The following TMEM255B variants were observed in gnomAD, a reference collection of about 807,000 sequenced individuals.
TMEM255B encodes transmembrane protein 255B.
TMEM255B carries 35 observed loss-of-function variants against 34.5 expected under a neutral mutation model. The observed-to-expected ratio is 1.01, with a 90% confidence interval of 0.77 to 1.34. The LOEUF is 1.34. Among genes scored for constraint, TMEM255B ranks in the 40% most tolerant of loss-of-function variants. TMEM255B has a pLI of 0.00. For synonymous variants in TMEM255B, 206 were observed against 201.2 expected, an observed-to-expected ratio of 1.02 and a Z score of -0.20; for missense variants, 432 against 433.2, an observed-to-expected ratio of 1.00 and a Z score of 0.02.
rs1280852892 is a variant in TMEM255B, at chr13:113,766,609, G to C, written c.189+352G>C. 24 of 356,490 alleles carry C rather than the reference G, an allele frequency of 6.7e-5. 1 individual carries two copies. The Admixed American group carries it at 1.0e-3, about 15-fold the overall frequency. The allele number at this position is 356,490 out of a possible 1,614,324, so 22.1% of individuals were successfully genotyped here. On this transcript the variant is annotated intron_variant, in intron 2 of 8. Transcript: ENST00000375353. ...AGGAAATGTCCAAGGTGGAGGAGGG[G>C]CCAGGAGCCCAGGATGTCCAAAAAG...
At chr13:113,767,209 GT>G (rs1188215253) in intron 2 of TMEM255B, among the ~76,000 whole-genome samples, 1 of 152,206 alleles carries the variant, frequency 6.6e-6, no homozygotes, top group Non-Finnish European at 1.5e-5. Flanking sequence ...TACAAATACT[GT>G]TTATTTCACC....
chr13:113,804,921 C>T lies in TMEM255B; in HGVS notation c.706C>T (p.Pro236Ser), dbSNP rs202090784. ...CCAGCTGGCCTATGGCCCAGCCGTC[C>T]CACCACAGACCCTCTACAACCCCGC... is the stretch of plus-strand genomic sequence containing the variant. ...LSQLAYGPAV[P>S]PQTLYNPAQQ... Residue 236 changes from proline to serine, a missense_variant, in exon 8 of 9, where the codon CCA becomes TCA. Pro to Ser is a moderately conservative substitution (Grantham distance 74). Coordinates refer to ENST00000375353, the MANE Select transcript of TMEM255B (RefSeq NM_182614.4). 8 of 1,604,050 alleles carry T rather than the reference C, an allele frequency of 5.0e-6. No homozygotes were observed. In the East Asian group the frequency reaches 1.1e-4, roughly 22 times the overall value.
At chr13:113,810,045 C>A (rs1019068438) in intron 8 of TMEM255B, among the ~76,000 whole-genome samples, 1 of 152,200 alleles carries the variant, frequency 6.6e-6, no homozygotes, top group Admixed American at 6.5e-5. Context: ...GCCTTACCTA[C>A]ACCTGTGCAG....
At position 113,799,346 on chromosome 13, in the gene TMEM255B, G is replaced by C. The variant is rs1276649332; in HGVS notation, c.350G>C (p.Arg117Thr). 2 of 1,614,060 alleles carry C rather than the reference G, an allele frequency of 1.2e-6. No homozygotes were observed. Among genetic ancestry groups the C allele is most frequent in the Non-Finnish European group, 1.7e-6 (2 of 1,180,030 alleles). Reference protein sequence around the residue: ...GVFAAQHIEPRPLTTGRCQFY... With the variant: ...GVFAAQHIEPTPLTTGRCQFY... Reference sequence around the variant, plus strand: ...GTTTATCTGTTTCTCTAGGAACCGAGGCCCCTCACCACGGGAAGATGCCAG... The same window carrying C: ...GTTTATCTGTTTCTCTAGGAACCGACGCCCCTCACCACGGGAAGATGCCAG... The change falls in exon 5 of 9, where the codon AGG becomes ACG. Residue 117 changes from arginine to threonine, a missense_variant. Transcript: ENST00000375353.
At chr13:113,759,395 C>A (rs2050255157) in intron 1 of TMEM255B, 80 bp downstream of exon 1, 3 of 1,194,650 alleles carry the variant, frequency 2.5e-6, no homozygotes, top group South Asian at 4.2e-5. Flanking sequence ...AGGTCCCCGG[C>A]CGGCCCGGGC....
chr13:113,765,455 C>G (rs575289410), intron 1 of TMEM255B, among the ~76,000 whole-genome samples: 1 of 152,144 alleles, frequency 6.6e-6, no homozygotes, highest in African/African-American at 2.4e-5. Flanking sequence ...CTCCAGTGTG[C>G]GGTCTGCTTT....
In TMEM255B at chr13:113,812,946, T is replaced by TGGTTCACAGGC. The variant is rs1566342047; in HGVS notation, c.*1043_*1044insGGTTCACAGGC. 2 of 110,242 alleles carry TGGTTCACAGGC rather than the reference T, an allele frequency of 1.8e-5. No homozygotes were observed. Among genetic ancestry groups the TGGTTCACAGGC allele is most frequent in the African/African-American group, 7.8e-5 (2 of 25,526 alleles). 6.8% of individuals were successfully genotyped at this position (110,242 alleles called of 1,614,324 possible). ...TCACGGGTCCCGGGTGGGTCACGGG[T>TGGTTCACAGGC]CCCGGGTGGGTCACGGGCCCCGGGT... On this transcript the variant is annotated 3_prime_UTR_variant, in exon 9 of 9. Coordinates refer to ENST00000375353, the MANE Select transcript of TMEM255B (RefSeq NM_182614.4).
At chr13:113,761,198 T>A in intron 1 of TMEM255B, 1 of 985,362 alleles carries the variant, frequency 1.0e-6, no homozygotes, top group Non-Finnish European at 1.2e-6. Context: ...GCGTTCCAGG[T>A]CCGGCTGGCA....
chr13:113,777,326 C>T (rs924593501), intron 3 of TMEM255B, among the ~76,000 whole-genome samples: 1 of 152,170 alleles, frequency 6.6e-6, no homozygotes, highest in Non-Finnish European at 1.5e-5. Flanking sequence ...ACCCAGCACA[C>T]CTGGATTTGA....
intron 7 of TMEM255B, among the ~76,000 whole-genome samples, 186 bp from the exon 8 acceptor site, chr13:113,804,699 C>G: frequency 6.9e-6 from 1 of 144,442 alleles, no homozygotes; most frequent in Non-Finnish European, 1.5e-5. Context: ...GGGGTTAGCT[C>G]CAGCCTGGGT....
At chr13:113,790,615 GA>G (rs2050816271) in intron 3 of TMEM255B, among the ~76,000 whole-genome samples, 2 of 146,728 alleles carry the variant, frequency 1.4e-5, no homozygotes, top group Non-Finnish European at 3.0e-5. Context: ...TCCTAGCACT[GA>G]ACTGACTGGA....
At chr13:113,789,068 G>A (rs1272011461) in intron 3 of TMEM255B, among the ~76,000 whole-genome samples, 1 of 151,388 alleles carries the variant, frequency 6.6e-6, no homozygotes, top group Non-Finnish European at 1.5e-5. Context: ...AGACCCAGCC[G>A]CCCTCTTGAG....
intron 4 of TMEM255B, among the ~76,000 whole-genome samples, chr13:113,796,315 C>G (rs2050934762): frequency 7.0e-6 from 1 of 142,734 alleles, no homozygotes; most frequent in South Asian, 2.3e-4. Context: ...GAGTACACAC[C>G]TCACACACCA....
intron 2 of TMEM255B, among the ~76,000 whole-genome samples, chr13:113,767,741 A>C (rs368723619): frequency 1.3e-5 from 2 of 152,242 alleles, no homozygotes; most frequent in African/African-American, 4.8e-5. Flanking sequence ...CTTTCTGCCA[A>C]TGTAGAGACT....
Position 113,766,734 on chromosome 13 carries a change from C to A in TMEM255B, c.189+477C>A, listed in dbSNP as rs559173500. On this transcript the variant is annotated intron_variant, in intron 2 of 8. Transcript: ENST00000375353. The stretch of plus-strand genomic sequence containing the variant: ...AAGGGGAAAGTAACTTTAAACGATT[C>A]CTACCAAGAAGCCGTGGGTCAAAGA... 4.6e-5 allele frequency among the ~76,000 whole-genome samples: 7 copies of A among 152,328 alleles called. No homozygotes were observed. The East Asian group carries it at 1.2e-3, about 25-fold the overall frequency.
intron 6 of TMEM255B, among the ~76,000 whole-genome samples, chr13:113,801,120 C>T (rs2051051729): frequency 1.3e-5 from 2 of 152,212 alleles, no homozygotes; most frequent in Non-Finnish European, 2.9e-5. Flanking sequence ...CCCCACACCC[C>T]TGCACCTACA....
intron 7 of TMEM255B, chr13:113,803,213 G>C (rs894806612): frequency 6.8e-6 from 1 of 147,712 alleles, no homozygotes; most frequent in Non-Finnish European, 1.5e-5. Flanking sequence ...GATACCTCCA[G>C]GGCCAGCCCG....
At chr13:113,782,552 G>C (rs370066920) in intron 3 of TMEM255B, among the ~76,000 whole-genome samples, 58 of 152,282 alleles carry the variant, frequency 3.8e-4, no homozygotes, top group African/African-American at 1.3e-3. Flanking sequence ...CTGGCCTACC[G>C]GATACCGTCC....
chr13:113,804,986 C>G lies in TMEM255B; in HGVS notation c.771C>G (p.Pro257=), dbSNP rs146364197. ...ILAYAGFRLT[P]EPVPTCSSYP... is the part of the protein sequence containing the mutation. ...CCTACGCAGGCTTCCGCCTGACGCCCGAGCCCGTCCCGACCTGCTCGTCCT... is the reference window on the plus strand; with the variant it reads ...CCTACGCAGGCTTCCGCCTGACGCCGGAGCCCGTCCCGACCTGCTCGTCCT... The change falls in exon 8 of 9, where the codon CCC becomes CCG. Residue 257 remains proline (P), a synonymous_variant. Transcript: ENST00000375353. The G allele has an allele frequency of 1.2e-6, 2 of 1,606,518 alleles. No individual in the cohort carries two copies. The highest frequency in any genetic ancestry group is 1.7e-6 in the Non-Finnish European group (2 of 1,179,672).
Sources: gnomAD v4.1 joint callset for allele counts (sites outside exome capture counted in the v4.1 genomes callset) on GRCh38, gnomAD v4.1.1 for gene constraint, MANE v1.5 for transcripts, NCBI Gene and HGNC (gene_info 2026-07-23, HGNC 2026-07-21) for gene names.